The following GRIA3 variants were observed in gnomAD, a reference collection of about 807,000 sequenced individuals.
GRIA3 encodes the protein glutamate receptor 3.
Under a neutral mutation model 63.0 loss-of-function variants are expected in GRIA3, and 3 were observed. The ratio of observed to expected loss-of-function variants is 0.05; its 90% CI spans 0.02 to 0.12. The LOEUF is 0.12. Ranked by LOEUF, GRIA3 falls within the 10% of genes least tolerant of loss-of-function variation. GRIA3 has a pLI of 1.00. For synonymous variants in GRIA3, 274 were observed against 257.9 expected, an observed-to-expected ratio of 1.06 and a Z score of -0.60; for missense variants, 347 against 700.9, an observed-to-expected ratio of 0.50 and a Z score of 5.70.
At chrX:123,217,033 G>A (rs73549552) in intron 2 of GRIA3, among the ~76,000 whole-genome samples, 1,623 of 111,923 alleles carry the variant, frequency 0.015, 27 homozygotes, top group African/African-American at 0.05. Context: ...AAGGGCAAAA[G>A]GTGCTGACAG....
chrX:123,296,447 A>T (rs762087649), intron 3 of GRIA3, among the ~76,000 whole-genome samples: 36 of 110,007 alleles, frequency 3.3e-4, no homozygotes, highest in Non-Finnish European at 6.1e-4. Context: ...TCCCACCCCA[A>T]CCTCCACATA....
intron 11 of GRIA3, 65 bp from the exon 12 acceptor site, chrX:123,427,876 A>G (rs2045598514): frequency 1.3e-6 from 1 of 772,510 alleles, no homozygotes; most frequent in African/African-American, 2.1e-5. Context: ...GAAATAAAGA[A>G]AAGGATTTCT....
chrX:123,343,592 A>C (rs1316472675), intron 4 of GRIA3, among the ~76,000 whole-genome samples: 1 of 108,174 alleles, frequency 9.2e-6, no homozygotes, highest in Non-Finnish European at 1.9e-5. Flanking sequence ...AGAGAGAAAG[A>C]CAGAGAGAGA....
At chrX:123,215,506 G>A (rs1346122912) in intron 2 of GRIA3, among the ~76,000 whole-genome samples, 1 of 111,366 alleles carries the variant, frequency 9.0e-6, no homozygotes, top group East Asian at 2.8e-4. Context: ...TCATTAGCGT[G>A]GAGAAGACAG....
chrX:123,345,901 G>A (rs1332917425), intron 4 of GRIA3, among the ~76,000 whole-genome samples: 3 of 111,411 alleles, frequency 2.7e-5, no homozygotes, highest in African/African-American at 9.8e-5. Context: ...CTACAGAGAG[G>A]GATGAAGGGA....
At chrX:123,218,492 C>A (rs1407315993) in intron 2 of GRIA3, among the ~76,000 whole-genome samples, 1 of 111,314 alleles carries the variant, frequency 9.0e-6, no homozygotes, top group East Asian at 2.8e-4. Context: ...CGGAGTCTCG[C>A]TCTGTCGCCC....
At chrX:123,368,530 C>T (rs2045227717) in intron 5 of GRIA3, among the ~76,000 whole-genome samples, 1 of 111,162 alleles carries the variant, frequency 9.0e-6, no homozygotes, top group Non-Finnish European at 1.9e-5. Flanking sequence ...GTGGCCATCT[C>T]CAACTGCTGG....
intron 3 of GRIA3, among the ~76,000 whole-genome samples, chrX:123,308,490 C>T (rs61677989): frequency 0.021 from 2,368 of 111,716 alleles, 58 homozygotes; most frequent in African/African-American, 0.073. Flanking sequence ...GAGTTAGACC[C>T]GACTTGGCTG....
chrX:123,327,832 CA>C (rs1185648069), intron 4 of GRIA3, among the ~76,000 whole-genome samples: 1 of 93,786 alleles, frequency 1.1e-5, no homozygotes, highest in Non-Finnish European at 2.1e-5. Context: ...CCTTCCCCCC[CA>C]CAAAAAAAAA....
intron 2 of GRIA3, among the ~76,000 whole-genome samples, chrX:123,207,963 G>A (rs995056176): frequency 8.9e-6 from 1 of 112,202 alleles, no homozygotes; most frequent in Non-Finnish European, 1.9e-5. Flanking sequence ...TACAGGCAGG[G>A]CCAACACACA....
chrX:123,338,801 C>T (rs749237720), intron 4 of GRIA3, among the ~76,000 whole-genome samples: 1 of 112,051 alleles, frequency 8.9e-6, no homozygotes. Context: ...CCGCCTGCCT[C>T]GGCCTCCCAA....
At chrX:123,212,056 T>G (rs1343959315) in intron 2 of GRIA3, among the ~76,000 whole-genome samples, 1 of 111,870 alleles carries the variant, frequency 8.9e-6, no homozygotes, top group Non-Finnish European at 1.9e-5. Flanking sequence ...AAAATAAAAT[T>G]TACTCATGAC....
At chrX:123,386,756 T>C (rs1034371131) in intron 5 of GRIA3, among the ~76,000 whole-genome samples, 1 of 111,644 alleles carries the variant, frequency 9.0e-6, no homozygotes, top group Non-Finnish European at 1.9e-5. Flanking sequence ...TTTTTGAAAA[T>C]AAGTTGGCTG....
At chrX:123,244,670 T>C (rs1247440808) in intron 2 of GRIA3, among the ~76,000 whole-genome samples, 1 of 112,421 alleles carries the variant, frequency 8.9e-6, no homozygotes, top group East Asian at 2.8e-4. Context: ...TTTGATGATG[T>C]TCTGAGGCAT....
At chrX:123,206,457 C>G (rs368744488) in intron 2 of GRIA3, among the ~76,000 whole-genome samples, 1 of 112,026 alleles carries the variant, frequency 8.9e-6, no homozygotes, top group East Asian at 2.8e-4. Flanking sequence ...CCGTTCTTGT[C>G]CCCTCACTGC....
chrX:123,385,076 T>C (rs890362023), intron 5 of GRIA3, among the ~76,000 whole-genome samples: 5 of 112,049 alleles, frequency 4.5e-5, no homozygotes, highest in Non-Finnish European at 7.5e-5. Flanking sequence ...CTTTGCCTTT[T>C]CCTATGTCCT....
At chrX:123,329,807 C>G (rs1343439086) in intron 4 of GRIA3, among the ~76,000 whole-genome samples, 1 of 111,907 alleles carries the variant, frequency 8.9e-6, no homozygotes, top group Non-Finnish European at 1.9e-5. Context: ...ATGAAGCTCT[C>G]CTCACTGGTG....
At chrX:123,228,952 C>T (rs1372373450) in intron 2 of GRIA3, among the ~76,000 whole-genome samples, 2 of 111,888 alleles carry the variant, frequency 1.8e-5, no homozygotes, top group Non-Finnish European at 3.8e-5. Context: ...AATGGGGCCA[C>T]GCTTTATTGA....
intron 12 of GRIA3, among the ~76,000 whole-genome samples, chrX:123,462,006 G>T (rs2045795446): frequency 9.0e-6 from 1 of 111,568 alleles, no homozygotes; most frequent in African/African-American, 3.3e-5. Context: ...AGTTTAATCT[G>T]AAAATGTCTA....
Sources: allele counts gnomAD v4.1 joint callset (sites outside exome capture counted in the v4.1 genomes callset), GRCh38; gene constraint gnomAD v4.1.1; transcripts MANE v1.5; gene names NCBI Gene and HGNC (gene_info 2026-07-23, HGNC 2026-07-21).